The following STAM2 variants were observed in gnomAD, a reference collection of about 807,000 sequenced individuals.
STAM2 encodes signal transducing adapter molecule 2.
A neutral mutation model predicts 65.6 loss-of-function variants in STAM2; 51 were observed. The observed-to-expected ratio is 0.78, with a 90% CI of 0.62 to 0.98. The LOEUF is 0.98. STAM2 is among the 50% of genes least tolerant of loss of function. The pLI, the probability that STAM2 is intolerant of heterozygous loss-of-function variation, is 0.00. For synonymous variants in STAM2, 198 were observed against 208.4 expected (o/e 0.95, Z 0.43); for missense variants, 584 against 617.8 (o/e 0.95, Z 0.58).
At chr2:152,123,743 T>G in intron 13 of STAM2, 23 bp downstream of exon 13, 4 of 1,611,594 alleles carry the variant, frequency 2.5e-6, no homozygotes, top group Non-Finnish European at 3.4e-6. Context: ...ACATATAAAA[T>G]TAACACAGCT....
chr2:152,157,822 A>C (rs532529254), intron 1 of STAM2, among the ~76,000 whole-genome samples: 33 of 152,368 alleles, frequency 2.2e-4, no homozygotes, highest in African/African-American at 7.7e-4. Context: ...GGCCTCCCTC[A>C]CAAAGAATAA....
chr2:152,163,860 C>G (rs1689729837), intron 1 of STAM2, among the ~76,000 whole-genome samples: 1 of 152,172 alleles, frequency 6.6e-6, no homozygotes, highest in South Asian at 2.1e-4. Flanking sequence ...GATTGGGAAA[C>G]TCCAGCCTGG....
At chr2:152,167,087 C>A (rs1251606591) in intron 1 of STAM2, among the ~76,000 whole-genome samples, 1 of 150,298 alleles carries the variant, frequency 6.7e-6, no homozygotes, top group Non-Finnish European at 1.5e-5. Context: ...TTAAATCCTT[C>A]ATCATTTCCC....
rs145324962 is a variant in STAM2 at position 152,164,804 on chromosome 2, C to T, written c.40+10799G>A. On this transcript the variant is annotated intron_variant, in intron 1 of 13. Coordinates refer to ENST00000263904, the MANE Select transcript of STAM2 (RefSeq NM_005843.6). ...TTGAGAGAATTGAGCATAAGGGGAG[C>T]CAGGACGAAAAGAAGGGGGAAAAAC... 7.8e-3 allele frequency among the ~76,000 whole-genome samples: 1,188 copies of T among 152,166 alleles called. 11 individuals carry two copies. The highest frequency in any genetic ancestry group is 0.028 in the African/African-American group (1,145 of 41,508).
intron 13 of STAM2, among the ~76,000 whole-genome samples, chr2:152,122,546 A>G (rs567861838): frequency 1.3e-5 from 2 of 152,230 alleles, no homozygotes; most frequent in South Asian, 2.1e-4. Context: ...GTTACCAAAC[A>G]TAGCAAAATT....
rs140470629 is a variant in STAM2, at chr2:152,151,093, G to C, written c.41-864C>G. Among the ~76,000 whole-genome samples, 315 of 150,836 alleles carry C rather than the reference G, an allele frequency of 2.1e-3. 1 individual carries two copies. Among genetic ancestry groups the C allele is most frequent in the African/African-American group, 6.8e-3 (280 of 41,160 alleles). ...CAAAATTAAATGAACAAAAATTTATGAATCTCAAAATATGATTTGCTTGGG... is the reference window on the plus strand; with the variant it reads ...CAAAATTAAATGAACAAAAATTTATCAATCTCAAAATATGATTTGCTTGGG... On this transcript the variant is annotated intron_variant, in intron 1 of 13. Coordinates refer to ENST00000263904, the MANE Select transcript of STAM2 (RefSeq NM_005843.6).
At chr2:152,126,711 A>AC (rs1688969285) in intron 11 of STAM2, among the ~76,000 whole-genome samples, 1 of 141,954 alleles carries the variant, frequency 7.0e-6, no homozygotes, top group South Asian at 2.3e-4. Context: ...TTCCTTTGCA[A>AC]ACCCCCCACG....
chr2:152,127,394 T>A (rs1688980737), intron 11 of STAM2, among the ~76,000 whole-genome samples: 1 of 152,196 alleles, frequency 6.6e-6, no homozygotes, highest in African/African-American at 2.4e-5. Flanking sequence ...TTCTAGGTTT[T>A]TTGTTGAGAA....
At chr2:152,160,229 A>C (rs1419556727) in intron 1 of STAM2, among the ~76,000 whole-genome samples, 2 of 113,780 alleles carry the variant, frequency 1.8e-5, no homozygotes, top group Non-Finnish European at 3.6e-5. Flanking sequence ...CTGGCTGCCC[A>C]GTCTGGAAAG....
chr2:152,175,089 T>C (rs1322536569), intron 1 of STAM2, among the ~76,000 whole-genome samples: 1 of 152,188 alleles, frequency 6.6e-6, no homozygotes, highest in Non-Finnish European at 1.5e-5. Context: ...ATCTTAAAGC[T>C]ACCCTATCAG....
chr2:152,158,296 G>A (rs1457283261), intron 1 of STAM2, among the ~76,000 whole-genome samples: 4 of 152,124 alleles, frequency 2.6e-5, no homozygotes, highest in African/African-American at 9.7e-5. Flanking sequence ...CCAACATGGT[G>A]AAGCCCCGTT....
chr2:152,156,559 C>T (rs558659301), intron 1 of STAM2, among the ~76,000 whole-genome samples: 29 of 152,218 alleles, frequency 1.9e-4, no homozygotes, highest in Non-Finnish European at 4.0e-4. Context: ...GGGTGTAAGT[C>T]ATAACATTTC....
In STAM2 at chr2:152,135,566, T is replaced by C; in HGVS notation, c.742A>G (p.Ile248Val). The C allele has an allele frequency of 6.2e-7, 1 of 1,612,696 alleles. No individual in the cohort carries two copies. The highest frequency in any genetic ancestry group is 8.5e-7 in the Non-Finnish European group (1 of 1,179,502). The change falls in exon 8 of 14, where the codon ATA becomes GTA. Residue 248 changes from isoleucine (I) to valine (V), a missense_variant. Physicochemically the swap from Ile to Val is conservative, Grantham distance 29. Coordinates refer to ENST00000263904, the MANE Select transcript of STAM2 (RefSeq NM_005843.6). ...NWWKGENHRGIGLFPSNFVTT... is the reference protein window; with the variant it reads ...NWWKGENHRGVGLFPSNFVTT... ...ACAAAATTGGATGGGAAAAGTCCTA[T>C]TCCTCTGTGATTTTCTCCTTTCCAC...
At position 152,144,683 on chromosome 2, in the gene STAM2, C is replaced by T. The variant is rs186929430; in HGVS notation, c.517+205G>A. ...CCTCCCGAGTAGTTGGGACTACAGG[C>T]GCCCGCCACCACGCCCAGCTAATTT... On this transcript the variant is annotated intron_variant, in intron 6 of 13. Coordinates refer to ENST00000263904, the MANE Select transcript of STAM2 (RefSeq NM_005843.6). The T allele has an allele frequency of 9.5e-4, 403 of 423,202 alleles. 3 individuals carry two copies. The East Asian group carries it at 0.017, about 18-fold the overall frequency. 26.2% of individuals were successfully genotyped at this position (423,202 alleles called of 1,614,324 possible). A position where few individuals can be genotyped will look rare whatever the true frequency, so the allele number is the denominator to read the frequency against.
At chr2:152,170,799 T>G (rs148836388) in intron 1 of STAM2, among the ~76,000 whole-genome samples, 1 of 152,144 alleles carries the variant, frequency 6.6e-6, no homozygotes, top group Non-Finnish European at 1.5e-5. Flanking sequence ...AGTTCGAAAC[T>G]GGCATGGCCA....
intron 1 of STAM2, among the ~76,000 whole-genome samples, chr2:152,158,865 G>A (rs1044168497): frequency 1.3e-5 from 2 of 151,580 alleles, no homozygotes; most frequent in African/African-American, 2.4e-5. Flanking sequence ...ATCCATTCAC[G>A]AAGGAGGTAC....
At position 152,148,293 on chromosome 2, in the gene STAM2, C is replaced by G. The variant is rs1689373636; in HGVS notation, c.133G>C (p.Asp45His). The stretch of plus-strand genomic sequence containing the variant: ...CTTTTCATTATGGCTTTTAGGCAAT[C>G]TTTCGCTCTAAAAAAAAAAAGAGAG... ...KVGSTPNGAK[D>H]CLKAIMKRVN... is the part of the protein sequence containing the mutation. The change falls in exon 3 of 14, where the codon GAT becomes CAT. Residue 45 changes from aspartate (D) to histidine (H), a missense_variant. By Grantham distance (81) the Asp-to-His change is moderately conservative (BLOSUM62 -1). Transcript: ENST00000263904. 1.9e-6 allele frequency: 3 copies of G among 1,601,056 alleles called. No homozygotes were observed. Among genetic ancestry groups the G allele is most frequent in the Non-Finnish European group, 2.6e-6 (3 of 1,175,324 alleles).
intron 1 of STAM2, among the ~76,000 whole-genome samples, chr2:152,170,427 G>A (rs888417669): frequency 2.0e-4 from 30 of 150,486 alleles, no homozygotes; most frequent in Admixed American, 1.5e-3. Flanking sequence ...AGGTTGCAGC[G>A]AGCTGAGATC....
In STAM2 at chr2:152,160,386, G is replaced by A. The variant is rs542492270; in HGVS notation, c.41-10157C>T. On this transcript the variant is annotated intron_variant, in intron 1 of 13. Coordinates refer to ENST00000263904, the MANE Select transcript of STAM2 (RefSeq NM_005843.6). ...GGGAGCGCCTCTGCCCTGCCACCCC[G>A]TCTGGGATGTGAGGAGCGTCTCTGC... is the stretch of plus-strand genomic sequence containing the variant. Among the ~76,000 whole-genome samples the A allele has an allele frequency of 5.2e-3, 789 of 151,144 alleles. 4 individuals carry two copies. The highest frequency in any genetic ancestry group is 0.018 in the African/African-American group (747 of 41,032).
Sources: gnomAD v4.1 joint callset for allele counts (sites outside exome capture counted in the v4.1 genomes callset) on GRCh38, gnomAD v4.1.1 for gene constraint, MANE v1.5 for transcripts, NCBI Gene and HGNC (gene_info 2026-07-23, HGNC 2026-07-21) for gene names.